TBCCD1: variants seen among roughly 807,000 people sequenced by gnomAD.
TBCCD1 encodes the protein TBCC domain-containing protein 1.
In TBCCD1, 26 loss-of-function variants were observed where a neutral mutation model predicts 53.4. That is an observed-to-expected ratio of 0.49 (90% confidence interval 0.36 to 0.68). The LOEUF is 0.68. TBCCD1 is among the 30% of genes least tolerant of loss of function. The pLI, the probability that TBCCD1 is intolerant of heterozygous loss-of-function variation, is 0.00. For synonymous variants in TBCCD1, 245 were observed against 241.7 expected (o/e 1.01, Z -0.13); for missense variants, 558 against 669.5 (o/e 0.83, Z 1.84).
Position 186,549,231 on chromosome 3 carries a change from T to TG in TBCCD1, c.*21+1897dup, listed in dbSNP as rs532095977. ...TGAACCTGGGAAGTGACGGTTGCAG[T>TG]GAGCCGAGACCGCACCACTGCACTC... On this transcript the variant is annotated intron_variant, in intron 7 of 7. Transcript: ENST00000338733. Among the ~76,000 whole-genome samples, 58 of 152,220 alleles carry TG rather than the reference T, an allele frequency of 3.8e-4. No homozygotes were observed. In the East Asian group the frequency reaches 0.011, roughly 28 times the overall value.
At chr3:186,556,278 CT>C in intron 4 of TBCCD1, 130 bp downstream of exon 4, 1 of 1,012,112 alleles carries the variant, frequency 9.9e-7, no homozygotes, top group Non-Finnish European at 1.4e-6. Context: ...ACAGATGTTC[CT>C]TTTTCTCTTT....
At chr3:186,562,666 C>T (rs929851205) in intron 2 of TBCCD1, among the ~76,000 whole-genome samples, 3 of 149,322 alleles carry the variant, frequency 2.0e-5, no homozygotes, top group Non-Finnish European at 1.5e-5. Context: ...TTCTCTAAGA[C>T]AGTAGATCTT....
chr3:186,559,583 C>A (rs1412330652), intron 2 of TBCCD1, among the ~76,000 whole-genome samples: 2 of 152,182 alleles, frequency 1.3e-5, no homozygotes, highest in Non-Finnish European at 2.9e-5. Context: ...GCTATATTCA[C>A]CCTGATTCCC....
chr3:186,557,992 T>C (rs537307262), intron 3 of TBCCD1, among the ~76,000 whole-genome samples: 6 of 152,344 alleles, frequency 3.9e-5, no homozygotes, highest in African/African-American at 9.6e-5. Context: ...GGCAGTTAAA[T>C]TTAGCTTCTG....
rs73887951 is a variant in TBCCD1, at chr3:186,558,279, A to T, written c.492+138T>A. The T allele has an allele frequency of 1.6e-3, 1,599 of 985,600 alleles. 9 individuals are homozygous for T. In the African/African-American group the frequency reaches 0.023, roughly 14 times the overall value. 61.1% of individuals were successfully genotyped at this position (985,600 alleles called of 1,614,324 possible). A position where few individuals can be genotyped will look rare whatever the true frequency, so the allele number is the denominator to read the frequency against. ...ACACACTGATTTTGTTTTATAATTT[A>T]AAAAAAAAGTGAAAAACAAAACAAG... On this transcript the variant is annotated intron_variant, in intron 3 of 7. Transcript: ENST00000338733.
At position 186,556,668 on chromosome 3, in the gene TBCCD1, A is replaced by G; in HGVS notation, c.600T>C (p.His200=). 6.2e-7 allele frequency: 1 copy of G among 1,614,218 alleles called. No homozygotes were observed. Among genetic ancestry groups the G allele is most frequent in the Non-Finnish European group, 8.5e-7 (1 of 1,180,034 alleles). ...CAGCTTCTCGAGACACTAGACTACT[A>G]TGGGTTGAATGAAATGATGCAGTGA... ...KQLTASFHST[H]SSLVSREAVV... Residue 200 remains histidine (H), a synonymous_variant, in exon 4 of 8, where the codon CAT becomes CAC. Transcript: ENST00000338733.
upstream of TBCCD1, among the ~76,000 whole-genome samples, chr3:186,568,395 G>A (rs1714898070): frequency 6.6e-6 from 1 of 152,150 alleles, no homozygotes; most frequent in Non-Finnish European, 1.5e-5. Flanking sequence ...AGGCCACTTT[G>A]TGGTGCCAAA....
chr3:186,553,851 CTTTT>C (rs796920451), intron 6 of TBCCD1, among the ~76,000 whole-genome samples: 1 of 146,852 alleles, frequency 6.8e-6, no homozygotes, highest in Non-Finnish European at 1.5e-5. Context: ...AAACACATTA[CTTTT>C]TTTTTTTTTG....
rs748536166 is a variant in TBCCD1, at chr3:186,558,403, G to A, written c.492+14C>T. On this transcript the variant is annotated intron_variant, in intron 3 of 7. Coordinates refer to ENST00000338733, the MANE Select transcript of TBCCD1 (RefSeq NM_018138.5). ...TGTCCCTTTTAGAGAATGAGATCAA[G>A]ATATAAGGAGTACCTTATTATGACA... 1 of 1,611,518 alleles carries A rather than the reference G, an allele frequency of 6.2e-7. No homozygotes were observed.
intron 2 of TBCCD1, among the ~76,000 whole-genome samples, chr3:186,560,274 C>T (rs950194064): frequency 6.6e-6 from 1 of 152,110 alleles, no homozygotes; most frequent in African/African-American, 2.4e-5. Flanking sequence ...ACTACTATAC[C>T]GAGTACATAG....
At chr3:186,562,957 G>A (rs934908825) in intron 2 of TBCCD1, among the ~76,000 whole-genome samples, 2 of 152,220 alleles carry the variant, frequency 1.3e-5, no homozygotes, top group African/African-American at 2.4e-5. Context: ...GGGGAAACAC[G>A]GAGCCTGGAC....
In TBCCD1 at chr3:186,554,961, G is replaced by A. The variant is rs138527467; in HGVS notation, c.983C>T (p.Ala328Val). 38 of 1,613,722 alleles carry A rather than the reference G, an allele frequency of 2.4e-5. No individual in the cohort carries two copies. The highest frequency in any genetic ancestry group is 1.8e-4 in the East Asian group (8 of 44,894). ...ACGATGAATCTTTACATGTGCCCCC[G>A]CCAGAGTGTCTGAGCTCTTAGCCAG... is the stretch of plus-strand genomic sequence containing the variant. The part of the protein sequence containing the change: ...QTLAKSSDTL[A>V]GAHVKIHRCN... Residue 328 changes from alanine (A) to valine (V), a missense_variant, in exon 5 of 8, where the codon GCG becomes GTG. Transcript: ENST00000338733.
At chr3:186,568,919 T>A (rs77459380), upstream of TBCCD1, among the ~76,000 whole-genome samples, 13,632 of 110,326 alleles carry the variant, frequency 0.12, 1,174 homozygotes, top group African/African-American at 0.3. Context: ...AAAAAAGAAA[T>A]AAAGAAAAGA....
chr3:186,547,708 G>A (rs1321184701), intron 7 of TBCCD1, among the ~76,000 whole-genome samples: 4 of 149,704 alleles, frequency 2.7e-5, no homozygotes, highest in South Asian at 2.1e-4. Flanking sequence ...CAAGGTTCAC[G>A]CCATTCTCCT....
rs768836528 is a variant in TBCCD1, at chr3:186,558,399, T to C, written c.492+18A>G. 1 of 1,606,200 alleles carries C rather than the reference T, an allele frequency of 6.2e-7. No homozygotes were observed. Among genetic ancestry groups the C allele is most frequent in the Non-Finnish European group, 8.5e-7 (1 of 1,176,864 alleles). On this transcript the variant is annotated intron_variant, in intron 3 of 7. Coordinates refer to ENST00000338733, the MANE Select transcript of TBCCD1 (RefSeq NM_018138.5). ...AAATTGTCCCTTTTAGAGAATGAGA[T>C]CAAGATATAAGGAGTACCTTATTAT...
At chr3:186,567,920 G>T (rs1714886670), upstream of TBCCD1, among the ~76,000 whole-genome samples, 1 of 152,186 alleles carries the variant, frequency 6.6e-6, no homozygotes, top group African/African-American at 2.4e-5. Context: ...CCACCTTCAT[G>T]AAGCTTTTTC....
chr3:186,563,541 C>T (rs746120728), intron 2 of TBCCD1, among the ~76,000 whole-genome samples: 39 of 152,210 alleles, frequency 2.6e-4, no homozygotes, highest in Non-Finnish European at 3.4e-4. Context: ...AACACTCATT[C>T]ACCCCAAAAT....
chr3:186,556,777 T>TA lies in TBCCD1; in HGVS notation c.493-3dup, dbSNP rs759033750. The TA allele has an allele frequency of 4.4e-5, 70 of 1,602,044 alleles. No individual in the cohort carries two copies. Among genetic ancestry groups the TA allele is most frequent in the Admixed American group, 7.1e-5 (4 of 56,308 alleles). ...TTGGTGACTGTAATCATTCCAGTTC[T>TA]AAAAAAAAGTTAAAAGAAAGCACTC... On this transcript the variant is annotated splice_region_variant and splice_polypyrimidine_tract_variant and intron_variant, in intron 3 of 7. Transcript: ENST00000338733.
chr3:186,560,732 T>C (rs1171415616), intron 2 of TBCCD1, among the ~76,000 whole-genome samples: 6 of 152,220 alleles, frequency 3.9e-5, no homozygotes, highest in African/African-American at 1.4e-4. Flanking sequence ...TTCATGGGAA[T>C]AATGCCTTAG....
Sources: allele counts gnomAD v4.1 joint callset (sites outside exome capture counted in the v4.1 genomes callset), GRCh38; gene constraint gnomAD v4.1.1; transcripts MANE v1.5; gene names NCBI Gene and HGNC (gene_info 2026-07-23, HGNC 2026-07-21).